Variants in SLC22A16 observed in about 807,000 individuals in gnomAD.
The protein encoded by SLC22A16 is solute carrier family 22 member 16, also known as WUGSC:RG331P03.1.
In SLC22A16, 53 loss-of-function variants were observed where a neutral mutation model predicts 52.9. That is an observed-to-expected ratio of 1.00 (90% CI 0.80 to 1.26). SLC22A16 has a LOEUF of 1.26. Among genes scored for constraint, SLC22A16 ranks in the 50% most tolerant of loss-of-function variants. The pLI, the probability that SLC22A16 is intolerant of heterozygous loss-of-function variation, is 0.00. For synonymous variants in SLC22A16, 291 were observed against 268.8 expected, an observed-to-expected ratio of 1.08 and a Z score of -0.81; for missense variants, 726 against 704.0, an observed-to-expected ratio of 1.03 and a Z score of -0.35.
intron 1 of SLC22A16, among the ~76,000 whole-genome samples, chr6:110,471,462 C>A (rs1776258785): frequency 6.6e-6 from 1 of 152,190 alleles, no homozygotes; most frequent in Non-Finnish European, 1.5e-5. Context: ...CTCATATAAG[C>A]CCAACCTGGA....
chr6:110,468,798 C>A (rs1338179078), intron 1 of SLC22A16, among the ~76,000 whole-genome samples: 1 of 152,178 alleles, frequency 6.6e-6, no homozygotes, highest in Non-Finnish European at 1.5e-5. Flanking sequence ...ACCCCACAGG[C>A]TAACATCTTG....
At chr6:110,474,993 T>C (rs754664211) in intron 1 of SLC22A16, 13 of 518,866 alleles carry the variant, frequency 2.5e-5, no homozygotes, top group Non-Finnish European at 4.6e-5. Context: ...ACATTTTCAC[T>C]ACTCCTATTT....
Position 110,430,690 on chromosome 6 carries a change from C to T in SLC22A16, c.1521+481G>A, listed in dbSNP as rs1381299162. 2.0e-5 allele frequency among the ~76,000 whole-genome samples: 3 copies of T among 152,244 alleles called. No homozygotes were observed. In the East Asian group the frequency reaches 5.8e-4, roughly 29 times the overall value. The stretch of plus-strand genomic sequence containing the variant: ...AAAGCCAGGCAAATGGCTCACACTG[C>T]TGGAGCCCCTCAGGTTCAGGTCAAC... On this transcript the variant is annotated intron_variant, in intron 7 of 7. Transcript: ENST00000368919.
In SLC22A16 at chr6:110,446,944, A is replaced by G. The variant is rs745769419; in HGVS notation, c.580T>C (p.Leu194=). The change falls in exon 3 of 8, where the codon TTG becomes CTG. Residue 194 remains leucine, a synonymous_variant. Transcript: ENST00000368919. ...VLWATSSSMF[L]FGIAAAFAVD... is the part of the protein sequence containing the mutation. The stretch of plus-strand genomic sequence containing the variant: ...GCAAACGCCGCTGCTATTCCAAACA[A>G]AAACATGCTACTGCTTGTGGCCCAC... The G allele has an allele frequency of 6.8e-6, 11 of 1,614,042 alleles. No homozygotes were observed. Among genetic ancestry groups the G allele is most frequent in the Non-Finnish European group, 9.3e-6 (11 of 1,179,938 alleles).
intron 5 of SLC22A16, 124 bp from the exon 6 acceptor site, chr6:110,436,085 C>A: frequency 1.6e-6 from 1 of 639,820 alleles, no homozygotes; most frequent in Non-Finnish European, 2.7e-6. Flanking sequence ...AATGAAGACC[C>A]TTATTTTTCT....
chr6:110,476,450 C>G, intron 1 of SLC22A16, 72 bp downstream of exon 1: 1 of 1,434,242 alleles, frequency 7.0e-7, no homozygotes, highest in South Asian at 1.4e-5. Context: ...CGCGAGAACC[C>G]CGCCGCAACG....
At chr6:110,454,932 A>T (rs1368680721) in intron 2 of SLC22A16, among the ~76,000 whole-genome samples, 2 of 92,118 alleles carry the variant, frequency 2.2e-5, no homozygotes, top group African/African-American at 9.4e-5. Context: ...TATATATTAT[A>T]ATATATATAA....
chr6:110,476,338 G>C (rs1041780375), intron 1 of SLC22A16, 184 bp downstream of exon 1: 2 of 1,386,162 alleles, frequency 1.4e-6, no homozygotes, highest in Non-Finnish European at 9.3e-7. Context: ...CGCTGCCAGA[G>C]GCCTAGAGGA....
At chr6:110,429,590 T>C (rs1255338698) in intron 7 of SLC22A16, among the ~76,000 whole-genome samples, 3 of 152,190 alleles carry the variant, frequency 2.0e-5, no homozygotes, top group African/African-American at 7.2e-5. Context: ...AATGACAGCA[T>C]GGGTGGCACA....
chr6:110,455,968 C>A (rs1371331240), intron 2 of SLC22A16: 1 of 152,382 alleles, frequency 6.6e-6, no homozygotes, highest in Non-Finnish European at 1.5e-5. Flanking sequence ...GGCTTCCCAG[C>A]CGCCAGAACT....
At chr6:110,447,614 G>A (rs1239655852) in intron 2 of SLC22A16, among the ~76,000 whole-genome samples, 2 of 152,024 alleles carry the variant, frequency 1.3e-5, no homozygotes, top group Admixed American at 6.6e-5. Context: ...TCCAGGATAC[G>A]TTAATCACTC....
At position 110,456,699 on chromosome 6, in the gene SLC22A16, AG is replaced by A; in HGVS notation, c.371del (p.Pro124LeufsTer18). The A allele has an allele frequency of 6.2e-7, 1 of 1,614,158 alleles. No homozygotes were observed. ...GGTCATATATGTAGCCATCCACACA[AG>A]GAAACTCTTTCTTACTGCCAGTGTA... ...YEYTGSKKEFPCVDGYIYDQN... is the reference protein window; with the variant it reads ...YEYTGSKKEFXCVDGYIYDQN... On this transcript the variant is annotated frameshift_variant, in exon 2 of 8. Transcript: ENST00000368919. LOFTEE classifies it high-confidence loss of function.
At chr6:110,475,040 A>G in intron 1 of SLC22A16, 1 of 513,398 alleles carries the variant, frequency 1.9e-6, no homozygotes, top group Non-Finnish European at 3.9e-6. Context: ...CATTTTACAG[A>G]TAAGAAAGTG....
chr6:110,433,094 T>C (rs952583380), intron 6 of SLC22A16, among the ~76,000 whole-genome samples: 1 of 151,880 alleles, frequency 6.6e-6, no homozygotes. Context: ...ACTGCGAGAG[T>C]GGTCTAATAA....
At chr6:110,446,801 G>C in intron 3 of SLC22A16, 72 bp downstream of exon 3, 1 of 1,355,128 alleles carries the variant, frequency 7.4e-7, no homozygotes, top group South Asian at 1.3e-5. Flanking sequence ...TCTTAAATGA[G>C]CAAAATGATG....
chr6:110,430,373 C>T (rs1189620193), intron 7 of SLC22A16, among the ~76,000 whole-genome samples: 2 of 151,772 alleles, frequency 1.3e-5, no homozygotes, highest in Non-Finnish European at 2.9e-5. Flanking sequence ...AGGAAATCCT[C>T]GCCTGAAGCC....
At chr6:110,467,505 T>C (rs1051163117) in intron 1 of SLC22A16, among the ~76,000 whole-genome samples, 1 of 152,244 alleles carries the variant, frequency 6.6e-6, no homozygotes, top group Non-Finnish European at 1.5e-5. Context: ...GTTCAGTCAC[T>C]TTAGTATCTC....
chr6:110,455,360 T>C (rs564976405), intron 2 of SLC22A16: 1 of 152,258 alleles, frequency 6.6e-6, no homozygotes, highest in Admixed American at 6.5e-5. Flanking sequence ...ATGAAAACAC[T>C]AATACCTAGC....
Position 110,458,622 on chromosome 6 carries a change from T to A in SLC22A16, c.54-1605A>T, listed in dbSNP as rs9487414. ...CCCAGATAGCTGGCAAAACATTATT[T>A]CTGGGTGTGTCTGTGAGAGTGTCTC... On this transcript the variant is annotated intron_variant, in intron 1 of 7. Transcript: ENST00000368919. Among the ~76,000 whole-genome samples, 1,246 of 152,336 alleles carry A rather than the reference T, an allele frequency of 8.2e-3. 17 individuals are homozygous for A. The highest frequency in any genetic ancestry group is 0.028 in the African/African-American group (1,183 of 41,564).
Sources: gnomAD v4.1 joint callset for allele counts (sites outside exome capture counted in the v4.1 genomes callset) on GRCh38, gnomAD v4.1.1 for gene constraint, MANE v1.5 for transcripts, NCBI Gene and HGNC (gene_info 2026-07-23, HGNC 2026-07-21) for gene names.